Variants in SCAPER observed in about 807,000 individuals in gnomAD.
The protein encoded by SCAPER is S-phase cyclin A associated protein in the ER.
Under a neutral mutation model 182.2 loss-of-function variants are expected in SCAPER, and 98 were observed. The observed-to-expected ratio is 0.54, with a 90% CI of 0.46 to 0.64. SCAPER has a LOEUF of 0.64. Ranked by LOEUF, SCAPER falls within the 30% of genes least tolerant of loss-of-function variation. SCAPER has a pLI of 0.00. For synonymous variants in SCAPER, 605 were observed against 564.6 expected (o/e 1.07, Z -1.01); for missense variants, 1,432 against 1,690.0 (o/e 0.85, Z 2.68).
At chr15:76,617,314 TA>T (rs1428465538) in intron 22 of SCAPER, among the ~76,000 whole-genome samples, 1 of 152,180 alleles carries the variant, frequency 6.6e-6, no homozygotes, top group Non-Finnish European at 1.5e-5. Context: ...ACTGCTAGAG[TA>T]AGGAGTGAAA....
At chr15:76,684,990 T>A (rs11072615) in intron 20 of SCAPER, among the ~76,000 whole-genome samples, 131,637 of 149,206 alleles carry the variant, frequency 0.88, 57,038 homozygotes, top group Middle Eastern at 0.92. Flanking sequence ...ATTTATATGC[T>A]ATAGTAGTGA....
chr15:76,353,353 T>A (rs2040725583), intron 30 of SCAPER, among the ~76,000 whole-genome samples: 1 of 152,204 alleles, frequency 6.6e-6, no homozygotes. Context: ...TAGTAGCAAA[T>A]GTTAAAGCAT....
At chr15:76,784,911 T>C (rs1000275224) in intron 8 of SCAPER, among the ~76,000 whole-genome samples, 1 of 152,180 alleles carries the variant, frequency 6.6e-6, no homozygotes, top group African/African-American at 2.4e-5. Flanking sequence ...ATGTTAGACC[T>C]AAAACCATAA....
chr15:76,767,107 A>G lies in SCAPER; in HGVS notation c.1249-19T>C. The G allele has an allele frequency of 6.5e-7, 1 of 1,544,016 alleles. No homozygotes were observed. Among genetic ancestry groups the G allele is most frequent in the Non-Finnish European group, 8.7e-7 (1 of 1,147,958 alleles). ...CCATGGACTATAAAGTTAAAAACAC[A>G]TAAACAAAAAGAAAAATGATCACTT... On this transcript the variant is annotated intron_variant, in intron 10 of 31. Coordinates refer to ENST00000563290, the MANE Select transcript of SCAPER (RefSeq NM_020843.4).
At chr15:76,450,791 C>T (rs747026983) in intron 25 of SCAPER, among the ~76,000 whole-genome samples, 5 of 152,280 alleles carry the variant, frequency 3.3e-5, no homozygotes, top group Middle Eastern at 6.8e-3. Context: ...CTGGGCTCAG[C>T]GATCCATGCA....
intron 5 of SCAPER, among the ~76,000 whole-genome samples, chr15:76,809,151 G>T (rs984287216): frequency 6.6e-6 from 1 of 152,152 alleles, no homozygotes; most frequent in African/African-American, 2.4e-5. Context: ...ATCTCCTACA[G>T]AAGGCCAGTA....
intron 20 of SCAPER, among the ~76,000 whole-genome samples, chr15:76,678,110 G>A (rs1204502295): frequency 6.6e-6 from 1 of 151,262 alleles, no homozygotes; most frequent in Non-Finnish European, 1.5e-5. Flanking sequence ...TTTCTTCCTA[G>A]ATCAAATGGA....
intron 27 of SCAPER, among the ~76,000 whole-genome samples, chr15:76,386,516 G>A (rs1194054941): frequency 2.0e-5 from 3 of 152,178 alleles, no homozygotes; most frequent in Admixed American, 1.3e-4. Context: ...TGTAACGTAT[G>A]GTGTGACAGA....
chr15:76,571,065 T>C lies in SCAPER; in HGVS notation c.2838+3093A>G, dbSNP rs1300508783. On this transcript the variant is annotated intron_variant, in intron 23 of 31. Coordinates refer to ENST00000563290, the MANE Select transcript of SCAPER (RefSeq NM_020843.4). ...CGGAAAAATCTCCTATTAGACCTCA[T>C]ACCTAGGCAGCCCTTATACTTTTAC... 7.2e-5 allele frequency among the ~76,000 whole-genome samples: 11 copies of C among 152,254 alleles called. No homozygotes were observed. In the East Asian group the frequency reaches 1.9e-3, roughly 27 times the overall value.
chr15:76,858,237 T>C (rs2071569544), intron 3 of SCAPER, among the ~76,000 whole-genome samples: 1 of 152,212 alleles, frequency 6.6e-6, no homozygotes, highest in Non-Finnish European at 1.5e-5. Context: ...TGGAAATAGT[T>C]CTTTAAGTTC....
intron 9 of SCAPER, among the ~76,000 whole-genome samples, chr15:76,773,875 G>C (rs2063601975): frequency 6.6e-6 from 1 of 151,636 alleles, no homozygotes; most frequent in Non-Finnish European, 1.5e-5. Context: ...TTAAAAAAAA[G>C]CTCCTATTTT....
intron 2 of SCAPER, among the ~76,000 whole-genome samples, chr15:76,863,192 A>G (rs1165245014): frequency 6.6e-6 from 1 of 152,222 alleles, no homozygotes; most frequent in African/African-American, 2.4e-5. Flanking sequence ...AGTAAAATAA[A>G]GGAAATTGCC....
intron 21 of SCAPER, among the ~76,000 whole-genome samples, chr15:76,629,724 T>G (rs2052923770): frequency 6.6e-6 from 1 of 152,164 alleles, no homozygotes; most frequent in Admixed American, 6.5e-5. Flanking sequence ...GTTTTCTTTT[T>G]TTGTTGTATC....
intron 25 of SCAPER, among the ~76,000 whole-genome samples, chr15:76,449,054 C>A (rs1296970957): frequency 6.6e-6 from 1 of 152,158 alleles, no homozygotes; most frequent in Non-Finnish European, 1.5e-5. Context: ...ATGAAAAATA[C>A]AAACGTGAGT....
rs1290621661 is a variant in SCAPER, at chr15:76,377,722, A to G, written c.3706-1411T>C. 2.0e-5 allele frequency among the ~76,000 whole-genome samples: 3 copies of G among 152,226 alleles called. No homozygotes were observed. In the East Asian group the frequency reaches 5.8e-4, roughly 29 times the overall value. On this transcript the variant is annotated intron_variant, in intron 28 of 31. Coordinates refer to ENST00000563290, the MANE Select transcript of SCAPER (RefSeq NM_020843.4). ...ATTTTGACAGCCTTATTGGTATACA[A>G]TGAAATGGAACCAGCTAGGAAAATA...
In SCAPER at chr15:76,899,586, C is replaced by T. The variant is rs192406273; in HGVS notation, c.-60+5713G>A. 2.8e-3 allele frequency among the ~76,000 whole-genome samples: 426 copies of T among 152,320 alleles called. 1 individual carries two copies. The highest frequency in any genetic ancestry group is 9.9e-3 in the African/African-American group (410 of 41,582). ...TACAGCCTCTGCCCGCCCGCCACCC[C>T]GTCTAGGAAGTGAGCAGTGTCTCTG... On this transcript the variant is annotated intron_variant, in intron 1 of 31. Coordinates refer to ENST00000563290, the MANE Select transcript of SCAPER (RefSeq NM_020843.4).
chr15:76,486,363 A>T (rs1160410746), intron 24 of SCAPER, among the ~76,000 whole-genome samples: 1 of 152,202 alleles, frequency 6.6e-6, no homozygotes, highest in African/African-American at 2.4e-5. Flanking sequence ...AAACTGACAA[A>T]TGGGATCTAA....
chr15:76,679,615 G>C (rs2057572251), intron 20 of SCAPER, among the ~76,000 whole-genome samples: 1 of 152,094 alleles, frequency 6.6e-6, no homozygotes, highest in Non-Finnish European at 1.5e-5. Context: ...ATTGTTTAAA[G>C]TGACAGATGA....
intron 24 of SCAPER, among the ~76,000 whole-genome samples, chr15:76,488,969 T>C (rs937154398): frequency 6.6e-6 from 1 of 151,048 alleles, no homozygotes; most frequent in African/African-American, 2.4e-5. Flanking sequence ...GTGATCCACC[T>C]GTCTCAGCCT....
Sources: allele counts gnomAD v4.1 joint callset (sites outside exome capture counted in the v4.1 genomes callset), GRCh38; gene constraint gnomAD v4.1.1; transcripts MANE v1.5; gene names NCBI Gene and HGNC (gene_info 2026-07-23, HGNC 2026-07-21).